LTBP1: variants seen among roughly 807,000 people sequenced by gnomAD.
LTBP1 encodes the protein latent transforming growth factor beta binding protein 1.
Under a neutral mutation model 207.6 loss-of-function variants are expected in LTBP1, and 129 were observed. The observed-to-expected ratio is 0.62, with a 90% CI of 0.54 to 0.72. The LOEUF is 0.72. LTBP1 is among the 30% of genes least tolerant of loss of function. The pLI, the probability that LTBP1 is intolerant of heterozygous loss-of-function variation, is 0.00. For missense variants in LTBP1, 2,281 were observed against 2,217.2 expected, an observed-to-expected ratio of 1.03 and a Z score of -0.58; for synonymous variants, 963 against 833.7, an observed-to-expected ratio of 1.16 and a Z score of -2.67.
chr2:33,297,423 ATTT>A (rs2093900113), intron 20 of LTBP1, among the ~76,000 whole-genome samples: 1 of 150,226 alleles, frequency 6.7e-6, no homozygotes. Flanking sequence ...TTATTTATTT[ATTT>A]ATTTATTTAT....
chr2:33,198,267 A>G (rs1422123769), intron 7 of LTBP1, among the ~76,000 whole-genome samples: 1 of 152,170 alleles, frequency 6.6e-6, no homozygotes, highest in Non-Finnish European at 1.5e-5. Context: ...CATGGTGGAT[A>G]AGCTTTTTGA....
intron 2 of LTBP1, among the ~76,000 whole-genome samples, chr2:32,963,950 A>G (rs895241655): frequency 1.3e-5 from 2 of 152,262 alleles, no homozygotes; most frequent in Admixed American, 6.5e-5. Context: ...TAATAAAAGT[A>G]ACGAAGGAGC....
intron 5 of LTBP1, among the ~76,000 whole-genome samples, chr2:33,140,557 A>T (rs1322171829): frequency 6.6e-6 from 1 of 152,240 alleles, no homozygotes; most frequent in African/African-American, 2.4e-5. Flanking sequence ...CTTATCAAAG[A>T]AACCACTTCC....
intron 2 of LTBP1, among the ~76,000 whole-genome samples, chr2:32,953,590 A>G (rs72789859): frequency 0.12 from 17,698 of 152,254 alleles, 1,297 homozygotes; most frequent in Non-Finnish European, 0.16. Flanking sequence ...TTTAGGAACC[A>G]TAACACTGTA....
chr2:33,297,209 C>T (rs187068637), intron 20 of LTBP1, among the ~76,000 whole-genome samples: 21 of 152,040 alleles, frequency 1.4e-4, no homozygotes, highest in Non-Finnish European at 2.9e-5. Context: ...ACCTCTACTC[C>T]GATTCTAATG....
chr2:33,398,343 G>T, intron 33 of LTBP1, 21 bp from the exon 34 acceptor site: 1 of 1,607,140 alleles, frequency 6.2e-7, no homozygotes, highest in South Asian at 1.1e-5. Flanking sequence ...TTGTTTACCT[G>T]CATGGCTTGA....
chr2:33,181,224 A>G (rs1302965708), intron 5 of LTBP1, among the ~76,000 whole-genome samples: 1 of 152,236 alleles, frequency 6.6e-6, no homozygotes, highest in Non-Finnish European at 1.5e-5. Context: ...ATAACAGGAA[A>G]GAAAGAGGCA....
intron 15 of LTBP1, among the ~76,000 whole-genome samples, chr2:33,266,273 T>A (rs929479037): frequency 6.6e-6 from 1 of 152,216 alleles, no homozygotes; most frequent in African/African-American, 2.4e-5. Flanking sequence ...CTCTGGACAT[T>A]GGGCACCAAT....
intron 5 of LTBP1, among the ~76,000 whole-genome samples, chr2:33,174,259 A>G (rs1331337521): frequency 3.8e-4 from 56 of 147,554 alleles, no homozygotes; most frequent in African/African-American, 1.2e-3. Context: ...AGAAAACCCC[A>G]TCATCTCAGC....
chr2:33,064,609 G>C (rs1433045725), intron 3 of LTBP1, among the ~76,000 whole-genome samples: 1 of 152,194 alleles, frequency 6.6e-6, no homozygotes, highest in Non-Finnish European at 1.5e-5. Context: ...GGGGCTGCTA[G>C]CCAACTTTGC....
intron 16 of LTBP1, 92 bp from the exon 17 acceptor site, chr2:33,274,873 C>T (rs1017046854): frequency 7.9e-5 from 101 of 1,273,476 alleles, no homozygotes; most frequent in South Asian, 1.0e-4. Context: ...TTGGGTGGTA[C>T]CCAGGGAATA....
intron 19 of LTBP1, 63 bp from the exon 20 acceptor site, chr2:33,293,097 A>C: frequency 6.5e-7 from 1 of 1,540,584 alleles, no homozygotes. Flanking sequence ...AACCAAATTT[A>C]ACTTTATCCA....
intron 7 of LTBP1, 91 bp from the exon 8 acceptor site, chr2:33,217,461 G>A: frequency 1.2e-6 from 1 of 804,952 alleles, no homozygotes; most frequent in East Asian, 2.5e-5. Flanking sequence ...AAGGGAACTG[G>A]TTTATAGCGT....
intron 7 of LTBP1, among the ~76,000 whole-genome samples, chr2:33,203,339 C>T (rs1439429029): frequency 1.3e-5 from 2 of 152,202 alleles, no homozygotes; most frequent in African/African-American, 4.8e-5. Flanking sequence ...AACATGTCTG[C>T]ATGTCACTGG....
chr2:33,186,112 C>A (rs983668399), intron 5 of LTBP1, among the ~76,000 whole-genome samples: 7 of 152,164 alleles, frequency 4.6e-5, no homozygotes, highest in Admixed American at 2.6e-4. Flanking sequence ...TCTTGTTACA[C>A]AAGATTGCAA....
In LTBP1 at chr2:32,947,345, GT is replaced by G. The variant is rs1255601524; in HGVS notation, c.22del (p.Trp8GlyfsTer38). On this transcript the variant is annotated frameshift_variant, in exon 1 of 34. Transcript: ENST00000404816. LOFTEE classifies it high-confidence loss of function. Reference protein sequence around the residue: MAGAWLRWGLLLWAGLLA... With the variant: MAGAWLRXGLLLWAGLLA... ...CCGCGATGGCGGGGGCCTGGCTCAG[GT>G]GGGGGCTCCTGCTCTGGGCAGGGCT... The G allele has an allele frequency of 7.1e-6, 9 of 1,261,984 alleles. No individual in the cohort carries two copies. The African/African-American group carries it at 1.4e-4, about 20-fold the overall frequency. 78.2% of individuals were successfully genotyped at this position (1,261,984 alleles called of 1,614,324 possible). A position where few individuals can be genotyped will look rare whatever the true frequency, so the allele number is the denominator to read the frequency against.
intron 5 of LTBP1, among the ~76,000 whole-genome samples, chr2:33,144,353 A>G (rs755405834): frequency 6.6e-5 from 10 of 152,276 alleles, no homozygotes; most frequent in South Asian, 2.1e-4. Flanking sequence ...TCAGGCTTCA[A>G]TATCATATGG....
At chr2:33,292,654 T>TA in intron 19 of LTBP1, among the ~76,000 whole-genome samples, 1 of 152,376 alleles carries the variant, frequency 6.6e-6, no homozygotes, top group South Asian at 2.1e-4. Context: ...ACTTGGTTTT[T>TA]ATCATATGGA....
chr2:33,104,148 G>A (rs2079920420), intron 3 of LTBP1, among the ~76,000 whole-genome samples: 1 of 152,098 alleles, frequency 6.6e-6, no homozygotes, highest in African/African-American at 2.4e-5. Flanking sequence ...ATATGGAAAA[G>A]TTTAGTCTGT....
Sources: allele counts gnomAD v4.1 joint callset (sites outside exome capture counted in the v4.1 genomes callset), GRCh38; gene constraint gnomAD v4.1.1; transcripts MANE v1.5; gene names NCBI Gene and HGNC (gene_info 2026-07-23, HGNC 2026-07-21).